KCTD7: variants seen among roughly 807,000 people sequenced by gnomAD.
KCTD7 encodes potassium channel tetramerization domain containing 7.
KCTD7 carries 15 observed loss-of-function variants against 27.0 expected under a neutral mutation model. That is an observed-to-expected ratio of 0.56 (90% CI 0.37 to 0.86). The LOEUF is 0.86. Among genes scored for constraint, KCTD7 ranks in the 40% least tolerant of loss-of-function variants. The pLI, the probability that KCTD7 is intolerant of heterozygous loss-of-function variation, is 0.00. For missense variants in KCTD7, 299 were observed against 398.9 expected, an observed-to-expected ratio of 0.75 and a Z score of 2.13; for synonymous variants, 159 against 162.7, an observed-to-expected ratio of 0.98 and a Z score of 0.17.
Position 66,629,133 on chromosome 7 carries a change from C to A in KCTD7, c.69C>A (p.Ala23=). 6.5e-7 allele frequency: 1 copy of A among 1,536,318 alleles called. No individual in the cohort carries two copies. The highest frequency in any genetic ancestry group is 8.7e-7 in the Non-Finnish European group (1 of 1,143,614). Residue 23 remains alanine, a synonymous_variant, in exon 1 of 4, where the codon GCC becomes GCA. Transcript: ENST00000639828. ...ACGGTGCCATGTCCAGCTCTGACGC[C>A]GAAGACGACTTTCTGGAGCCGGCCA... The part of the protein sequence containing the change: ...RQDGAMSSSD[A]EDDFLEPATP...
In KCTD7 at chr7:66,642,547, A is replaced by T; in HGVS notation, c.*3315A>T. The T allele has an allele frequency of 1.0e-6, 1 of 985,298 alleles. No individual in the cohort carries two copies. The highest frequency in any genetic ancestry group is 1.2e-6 in the Non-Finnish European group (1 of 829,840). 61.0% of individuals were successfully genotyped at this position (985,298 alleles called of 1,614,324 possible). A position where few individuals can be genotyped will look rare whatever the true frequency, so the allele number is the denominator to read the frequency against. On this transcript the variant is annotated 3_prime_UTR_variant, in exon 4 of 4. Transcript: ENST00000639828. ...AGCAAACAGCAATAACAAAACAAAA[A>T]CTACTGATGCTGAGCGTTTTGATCC...
rs1288451682 is a variant in KCTD7 at position 66,642,482 on chromosome 7, A to G, written c.*3250A>G. ...TAAGACACAGGCGGTGTGAGCATCC[A>G]TGTGTGGTCTTGGTCTAAACCAGCT... On this transcript the variant is annotated 3_prime_UTR_variant, in exon 4 of 4. Coordinates refer to ENST00000639828, the MANE Select transcript of KCTD7 (RefSeq NM_153033.5). The G allele has an allele frequency of 1.0e-6, 1 of 985,314 alleles. No individual in the cohort carries two copies. The highest frequency in any genetic ancestry group is 1.1e-4 in the East Asian group (1 of 8,828). The allele number at this position is 985,314 out of a possible 1,614,324, so 61.0% of individuals were successfully genotyped here.
intron 2 of KCTD7, among the ~76,000 whole-genome samples, chr7:66,634,963 C>T (rs950017754): frequency 1.3e-5 from 2 of 150,942 alleles, no homozygotes; most frequent in Non-Finnish European, 2.9e-5. Context: ...CTGCAGTGAG[C>T]CATGATCCTA....
rs777859099 is a variant in KCTD7 at position 66,633,334 on chromosome 7, A to G, written c.204A>G (p.Thr68=). The change falls in exon 2 of 4, where the codon ACA becomes ACG. Residue 68 remains threonine (T), a synonymous_variant. Coordinates refer to ENST00000639828, the MANE Select transcript of KCTD7 (RefSeq NM_153033.5). ...GGAHFTTRLS[T]LRCYEDTMLA... is the part of the protein sequence containing the mutation. ...CTCACTTCACTACACGCCTGTCCAC[A>G]CTGCGGTGCTACGAAGACACCATGT... The G allele has an allele frequency of 2.5e-6, 4 of 1,613,892 alleles. No individual in the cohort carries two copies. The highest frequency in any genetic ancestry group is 1.1e-5 in the South Asian group (1 of 91,058).
rs1033266220 is a variant in KCTD7, at chr7:66,641,446, G to A, written c.*2214G>A. The A allele has an allele frequency of 4.6e-5, 45 of 985,262 alleles. No homozygotes were observed. Among genetic ancestry groups the A allele is most frequent in the Non-Finnish European group, 5.1e-5 (42 of 829,940 alleles). The allele number at this position is 985,262 out of a possible 1,614,324, so 61.0% of individuals were successfully genotyped here. A position where few individuals can be genotyped will look rare whatever the true frequency, so the allele number is the denominator to read the frequency against. ...GCATGGCAGGGCTTGGTTATTTAGA[G>A]TCCATACATGCAAGCCATTGAGAGA... On this transcript the variant is annotated 3_prime_UTR_variant, in exon 4 of 4. Coordinates refer to ENST00000639828, the MANE Select transcript of KCTD7 (RefSeq NM_153033.5).
At chr7:66,630,657 A>G (rs1786424050) in intron 1 of KCTD7, among the ~76,000 whole-genome samples, 1 of 152,212 alleles carries the variant, frequency 6.6e-6, no homozygotes, top group South Asian at 2.1e-4. Flanking sequence ...CCATGGGAAA[A>G]TGAGCAAAAA....
intron 1 of KCTD7, among the ~76,000 whole-genome samples, chr7:66,629,996 G>A (rs1412330089): frequency 1.3e-5 from 2 of 152,208 alleles, no homozygotes; most frequent in African/African-American, 4.8e-5. Context: ...AAGATACCAG[G>A]CATGGTGGCT....
chr7:66,635,552 G>A (rs1234059194), intron 2 of KCTD7, among the ~76,000 whole-genome samples: 1 of 150,296 alleles, frequency 6.7e-6, no homozygotes, highest in Non-Finnish European at 1.5e-5. Context: ...AGCTCCTTCA[G>A]TCTGACATTG....
intron 2 of KCTD7, among the ~76,000 whole-genome samples, chr7:66,637,558 G>A (rs970908437): frequency 2.6e-5 from 4 of 151,808 alleles, no homozygotes; most frequent in Admixed American, 6.6e-5. Flanking sequence ...ACAAACTACT[G>A]GTTTGTTTTT....
intron 1 of KCTD7, among the ~76,000 whole-genome samples, chr7:66,631,816 G>T (rs532813119): frequency 6.6e-6 from 1 of 152,236 alleles, no homozygotes; most frequent in Admixed American, 6.5e-5. Flanking sequence ...ACCTTAGCTG[G>T]ACCGGAAACC....
intron 2 of KCTD7, among the ~76,000 whole-genome samples, chr7:66,634,192 T>TTCTTTCTATCTATCTA (rs763643329): frequency 2.9e-5 from 4 of 139,960 alleles, no homozygotes; most frequent in African/African-American, 1.1e-4. Context: ...ATGTGTGTGA[T>TTCTTTCTATCTATCTA]TCTATCTATC....
In KCTD7 at chr7:66,628,951, T is replaced by G. The variant is rs571516346; in HGVS notation, c.-114T>G. ...GCCTGCGCACTGCCTCTCGCCCCCC[T>G]CCGGCCAGCCCGCAGCCGGCCGCGT... On this transcript the variant is annotated 5_prime_UTR_variant, in exon 1 of 4. Transcript: ENST00000639828. 38 of 1,128,618 alleles carry G rather than the reference T, an allele frequency of 3.4e-5. No individual in the cohort carries two copies. Among genetic ancestry groups the G allele is most frequent in the Non-Finnish European group, 4.2e-5 (36 of 853,730 alleles). The allele number at this position is 1,128,618 out of a possible 1,614,324, so 69.9% of individuals were successfully genotyped here.
At position 66,629,184 on chromosome 7, in the gene KCTD7, C is replaced by G; in HGVS notation, c.120C>G (p.His40Gln). ...CGCCGACGGCCACGCAGGCGGGGCA[C>G]GCGCTGCCCCTGCTGCCACAGGAGG... ...PATPTATQAG[H>Q]ALPLLPQEFP... Residue 40 changes from histidine to glutamine, a missense_variant, in exon 1 of 4, where the codon CAC becomes CAG. By Grantham distance (24) the His-to-Gln change is conservative. Transcript: ENST00000639828. 6.7e-7 allele frequency: 1 copy of G among 1,499,084 alleles called. No homozygotes were observed. Among genetic ancestry groups the G allele is most frequent in the Non-Finnish European group, 8.9e-7 (1 of 1,122,344 alleles). The allele number at this position is 1,499,084 out of a possible 1,614,324, so 92.9% of individuals were successfully genotyped here.
chr7:66,639,057 T>C lies in KCTD7; in HGVS notation c.695T>C (p.Phe232Ser). Reference protein sequence around the residue: ...FEHHCEVDVSFGPWEAVADVY... With the variant: ...FEHHCEVDVSSGPWEAVADVY... ...CACCACTGTGAAGTGGATGTGTCTT[T>C]TGGGCCCTGGGAGGCTGTGGCTGAT... The change falls in exon 4 of 4, where the codon TTT (phenylalanine) becomes TCT (serine). Residue 232 changes from phenylalanine (F) to serine (S), a missense_variant. Coordinates refer to ENST00000639828, the MANE Select transcript of KCTD7 (RefSeq NM_153033.5). 1 of 1,614,096 alleles carries C rather than the reference T, an allele frequency of 6.2e-7. No homozygotes were observed. Among genetic ancestry groups the C allele is most frequent in the Non-Finnish European group, 8.5e-7 (1 of 1,180,008 alleles).
chr7:66,633,579 A>T (rs1584396003), intron 2 of KCTD7, 135 bp downstream of exon 2: 1 of 836,876 alleles, frequency 1.2e-6, no homozygotes. Flanking sequence ...AAATGGGTTT[A>T]TTGAAAGAGA....
At chr7:66,631,748 T>G (rs745842073) in intron 1 of KCTD7, among the ~76,000 whole-genome samples, 1 of 151,126 alleles carries the variant, frequency 6.6e-6, no homozygotes, top group Non-Finnish European at 1.5e-5. Flanking sequence ...ACCTCGAGCT[T>G]CTTAGGGCAC....
chr7:66,640,673 A>ACGCCTGTAGTCCAGGCCACT lies in KCTD7; in HGVS notation c.*1444_*1463dup. On this transcript the variant is annotated 3_prime_UTR_variant, in exon 4 of 4. Coordinates refer to ENST00000639828, the MANE Select transcript of KCTD7 (RefSeq NM_153033.5). ...TCTGTAGTCCCAGCTACTTGGGCAC[A>ACGCCTGTAGTCCAGGCCACT]CGCCTGTAGTCCAGGCCACTCGAGC... 1 of 1,300,368 alleles carries ACGCCTGTAGTCCAGGCCACT rather than the reference A, an allele frequency of 7.7e-7. No individual in the cohort carries two copies. The highest frequency in any genetic ancestry group is 3.6e-5 in the Admixed American group (1 of 28,066). 80.6% of individuals were successfully genotyped at this position (1,300,368 alleles called of 1,614,324 possible). A position where few individuals can be genotyped will look rare whatever the true frequency, so the allele number is the denominator to read the frequency against.
Position 66,633,394 on chromosome 7 carries a change from C to T in KCTD7, c.264C>T (p.Pro88=), listed in dbSNP as rs985251877. 1.2e-5 allele frequency: 20 copies of T among 1,614,012 alleles called. No homozygotes were observed. Among genetic ancestry groups the T allele is most frequent in the Non-Finnish European group, 1.7e-5 (20 of 1,180,032 alleles). The change falls in exon 2 of 4, where the codon CCC becomes CCT. Residue 88 remains proline, a synonymous_variant. Coordinates refer to ENST00000639828, the MANE Select transcript of KCTD7 (RefSeq NM_153033.5). Reference sequence around the variant, plus strand: ...TGTTCAGTGGGCGGCACTACATCCCCACGGACTCCGAGGGCCGGTACTTCA... The same window carrying T: ...TGTTCAGTGGGCGGCACTACATCCCTACGGACTCCGAGGGCCGGTACTTCA... ...AAMFSGRHYI[P]TDSEGRYFID...
intron 2 of KCTD7, among the ~76,000 whole-genome samples, chr7:66,635,311 C>T (rs575567495): frequency 1.6e-4 from 24 of 152,200 alleles, no homozygotes; most frequent in African/African-American, 4.6e-4. Context: ...AGTTTGTGTC[C>T]GGCCCGGCCG....
Sources: gnomAD v4.1 joint callset for allele counts (sites outside exome capture counted in the v4.1 genomes callset) on GRCh38, gnomAD v4.1.1 for gene constraint, MANE v1.5 for transcripts, NCBI Gene and HGNC (gene_info 2026-07-23, HGNC 2026-07-21) for gene names.